SELENOW: variants seen among roughly 807,000 people sequenced by gnomAD.
The protein encoded by SELENOW is selenoprotein W, 1.
A neutral mutation model predicts 16.6 loss-of-function variants in SELENOW; 20 were observed. The ratio of observed to expected loss-of-function variants is 1.21; its 90% CI spans 0.85 to 1.76. The LOEUF (loss-of-function observed/expected upper bound fraction) is 1.76, where lower values mean the gene tolerates loss of function less well. Ranked by LOEUF, SELENOW falls within the 40% of genes most tolerant of loss-of-function variation. SELENOW has a pLI of 0.00. For missense variants in SELENOW, 124 were observed against 111.0 expected (o/e 1.12, Z -0.53); for synonymous variants, 44 against 46.2 (o/e 0.95, Z 0.19).
At chr19:47,779,492 C>T (rs1368986130) in intron 1 of SELENOW, 1 of 152,664 alleles carries the variant, frequency 6.6e-6, no homozygotes, top group African/African-American at 2.4e-5. Flanking sequence ...AATTTATCCT[C>T]CCAGGAATCC....
intron 1 of SELENOW, chr19:47,779,081 A>G: frequency 2.1e-6 from 1 of 484,354 alleles, no homozygotes; most frequent in Non-Finnish European, 3.7e-6. Context: ...CGAACCCCCG[A>G]CTCCGGGGCT....
chr19:47,778,937 T>A, intron 1 of SELENOW, 123 bp downstream of exon 1: 2 of 941,106 alleles, frequency 2.1e-6, no homozygotes, highest in Admixed American at 5.7e-5. Context: ...AGGGAGCCCC[T>A]GTATGTGGGT....
chr19:47,780,638 C>T, intron 1 of SELENOW, 87 bp from the exon 2 acceptor site: 1 of 1,182,490 alleles, frequency 8.5e-7, no homozygotes, highest in Admixed American at 2.0e-5. Flanking sequence ...GCTCTCTCCC[C>T]ACACCGCCTG....
intron 1 of SELENOW, 89 bp from the exon 2 acceptor site, chr19:47,780,636 C>T (rs1020620714): frequency 1.4e-5 from 16 of 1,155,046 alleles, no homozygotes; most frequent in Non-Finnish European, 1.8e-5. Flanking sequence ...TTGCTCTCTC[C>T]CCACACCGCC....
At position 47,781,169 on chromosome 19, in the gene SELENOW, T is replaced by C; in HGVS notation, c.170T>C (p.Ile57Thr). Residue 57 changes from isoleucine to threonine, a missense_variant, in exon 4 of 6, where the codon ATT becomes ACT. Physicochemically the swap from Ile to Thr is moderately conservative, Grantham distance 89. Coordinates refer to ENST00000601048, the MANE Select transcript of SELENOW (RefSeq NM_003009.4). ...FFEVMVAGKL[I>T]HSKKKGDGYV... is the part of the protein sequence containing the mutation. ...GAAGTGATGGTAGCCGGGAAGTTGA[T>C]TCACTCTAAGAAGGTATGTCTGTCT... is the stretch of plus-strand genomic sequence containing the variant. The C allele has an allele frequency of 6.2e-7, 1 of 1,613,834 alleles. No individual in the cohort carries two copies. Among genetic ancestry groups the C allele is most frequent in the Non-Finnish European group, 8.5e-7 (1 of 1,179,812 alleles).
intron 1 of SELENOW, chr19:47,780,289 G>C: frequency 5.4e-6 from 2 of 368,396 alleles, no homozygotes; most frequent in Non-Finnish European, 1.1e-5. Context: ...GTTTTCCTTG[G>C]AGTGCTGCGA....
rs1222933383 is a variant in SELENOW at position 47,781,330 on chromosome 19, A to G, written c.224A>G (p.Lys75Arg). The G allele has an allele frequency of 1.2e-6, 2 of 1,612,504 alleles. No individual in the cohort carries two copies. Among genetic ancestry groups the G allele is most frequent in the African/African-American group, 2.7e-5 (2 of 74,878 alleles). ...GYVDTESKFL[K>R]LVAAIKAALA... is the part of the protein sequence containing the mutation. The stretch of plus-strand genomic sequence containing the variant: ...GTGGACACAGAAAGCAAGTTTCTGA[A>G]GTTGGTGGCCGCCATCAAAGCCGCC... Residue 75 changes from lysine (K) to arginine (R), a missense_variant, in exon 5 of 6, where the codon AAG (lysine) becomes AGG (arginine). Lys to Arg is a conservative substitution (Grantham distance 26). Transcript: ENST00000601048.
chr19:47,780,985 A>G, intron 3 of SELENOW, 68 bp downstream of exon 3: 1 of 1,575,692 alleles, frequency 6.3e-7, no homozygotes, highest in African/African-American at 1.3e-5. Flanking sequence ...CCTGGATGGC[A>G]CTGCAGGGGG....
chr19:47,782,535 T>A (rs1748896405), intron 5 of SELENOW: 1 of 122,828 alleles, frequency 8.1e-6, no homozygotes, highest in African/African-American at 2.6e-5. Context: ...TCACTGTTTT[T>A]CTTTCTTTCT....
intron 5 of SELENOW, chr19:47,782,222 G>A (rs1408837975): frequency 1.3e-5 from 2 of 152,634 alleles, no homozygotes; most frequent in Non-Finnish European, 1.5e-5. Context: ...CTGAACCTGA[G>A]AATTAGTTCT....
intron 1 of SELENOW, 149 bp from the exon 2 acceptor site, chr19:47,780,576 C>A: frequency 1.5e-6 from 1 of 669,408 alleles, no homozygotes; most frequent in Non-Finnish European, 2.7e-6. Flanking sequence ...CATCTGTCAC[C>A]TCTTCTGCTT....
chr19:47,780,826 G>A, intron 2 of SELENOW, 38 bp from the exon 3 acceptor site: 1 of 1,608,358 alleles, frequency 6.2e-7, no homozygotes. Context: ...GGGGCTGACT[G>A]GTATGACCCC....
chr19:47,780,044 C>G, intron 1 of SELENOW: 1 of 425,244 alleles, frequency 2.4e-6, no homozygotes, highest in Non-Finnish European at 4.8e-6. Flanking sequence ...ATTCCAGTCC[C>G]GAAATAGCCT....
rs768728892 is a variant in SELENOW at position 47,781,180 on chromosome 19, A to G, written c.181A>G (p.Lys61Glu). Reference sequence around the variant, plus strand: ...AGCCGGGAAGTTGATTCACTCTAAGAAGGTATGTCTGTCTGTCCGTCCTGC... The same window carrying G: ...AGCCGGGAAGTTGATTCACTCTAAGGAGGTATGTCTGTCTGTCCGTCCTGC... ...MVAGKLIHSK[K>E]KGDGYVDTES... Residue 61 changes from lysine (K) to glutamate (E), a missense_variant and splice_region_variant, in exon 4 of 6, where the codon AAG becomes GAG. Transcript: ENST00000601048. 1 of 1,613,448 alleles carries G rather than the reference A, an allele frequency of 6.2e-7. No individual in the cohort carries two copies. The highest frequency in any genetic ancestry group is 1.1e-5 in the South Asian group (1 of 91,056).
rs1180529166 is a variant in SELENOW, at chr19:47,783,507, T to C, written c.*19-783T>C. The C allele has an allele frequency of 5.9e-5, 9 of 152,422 alleles. No homozygotes were observed. In the East Asian group the frequency reaches 1.7e-3, roughly 29 times the overall value. 9.4% of individuals were successfully genotyped at this position (152,422 alleles called of 1,614,324 possible). A position where few individuals can be genotyped will look rare whatever the true frequency, so the allele number is the denominator to read the frequency against. ...CGTGAGCCACTGCGCCTGGCCATAC[T>C]TTTTACTCCCCTCTAACCTTCAGCA... On this transcript the variant is annotated intron_variant, in intron 5 of 5. Coordinates refer to ENST00000601048, the MANE Select transcript of SELENOW (RefSeq NM_003009.4).
At position 47,778,750 on chromosome 19, in the gene SELENOW, G is replaced by A. The variant is rs745688366; in HGVS notation, c.-36G>A. On this transcript the variant is annotated 5_prime_UTR_variant, in exon 1 of 6. Transcript: ENST00000601048. The stretch of plus-strand genomic sequence containing the variant: ...CAGGTGGGAGGTTAGTGTGGCCCGG[G>A]CGTCCGCTCCTCAGCGGATGTGGCA... 3.8e-6 allele frequency: 6 copies of A among 1,592,320 alleles called. No individual in the cohort carries two copies. The highest frequency in any genetic ancestry group is 2.3e-5 in the East Asian group (1 of 43,436).
intron 1 of SELENOW, 136 bp downstream of exon 1, chr19:47,778,950 G>A (rs1967440244): frequency 2.4e-6 from 2 of 844,466 alleles, no homozygotes. Flanking sequence ...ATGTGGGTGG[G>A]GTGGGCGTAC....
At chr19:47,781,507 AGAGC>A (rs2123697826) in intron 5 of SELENOW, 119 bp downstream of exon 5, 1 of 653,344 alleles carries the variant, frequency 1.5e-6, no homozygotes, top group Non-Finnish European at 2.7e-6. Flanking sequence ...GTGTGTCCCC[AGAGC>A]GAGCGGGATA....
chr19:47,779,715 A>G (rs374720491), intron 1 of SELENOW: 1 of 154,256 alleles, frequency 6.5e-6, no homozygotes, highest in East Asian at 1.9e-4. Flanking sequence ...AGGCTGAGGC[A>G]GGAGGATCAC....
Sources: gnomAD v4.1 joint callset for allele counts on GRCh38, gnomAD v4.1.1 for gene constraint, MANE v1.5 for transcripts, NCBI Gene and HGNC (gene_info 2026-07-23, HGNC 2026-07-21) for gene names.